Variants in SNX6 observed in about 807,000 individuals in gnomAD.
SNX6 encodes the protein sorting nexin-6.
In SNX6, 34 loss-of-function variants were observed where a neutral mutation model predicts 63.0. The observed-to-expected ratio is 0.54, with a 90% CI of 0.41 to 0.72. SNX6 has a LOEUF of 0.72. Among genes scored for constraint, SNX6 ranks in the 30% least tolerant of loss-of-function variants. The pLI is 0.00. For synonymous variants in SNX6, 170 were observed against 164.2 expected, an observed-to-expected ratio of 1.04 and a Z score of -0.27; for missense variants, 398 against 471.4, an observed-to-expected ratio of 0.84 and a Z score of 1.44.
chr14:34,580,067 C>A (rs1379718374), intron 10 of SNX6, among the ~76,000 whole-genome samples: 3 of 152,104 alleles, frequency 2.0e-5, no homozygotes, highest in African/African-American at 7.2e-5. Context: ...TGCCTGTAAT[C>A]TCAGCTACTC....
At position 34,567,738 on chromosome 14, in the gene SNX6, G is replaced by A; in HGVS notation, c.1115C>T (p.Ala372Val). The change falls in exon 13 of 14, where the codon GCA becomes GTA. Residue 372 changes from alanine (A) to valine (V), a missense_variant. Physicochemically the swap from Ala to Val is moderately conservative, Grantham distance 64. Coordinates refer to ENST00000362031, the MANE Select transcript of SNX6 (RefSeq NM_152233.4). ...LIDFKTRRVA[A>V]FRKNLVELAE... Reference sequence around the variant, plus strand: ...CAGTTCCACTAAATTTTTTCTGAATGCAGCAACTCTTCTTGTCTTAAAATC... The same window carrying A: ...CAGTTCCACTAAATTTTTTCTGAATACAGCAACTCTTCTTGTCTTAAAATC... The A allele has an allele frequency of 1.9e-6, 3 of 1,613,742 alleles. No individual in the cohort carries two copies. The highest frequency in any genetic ancestry group is 1.7e-6 in the Non-Finnish European group (2 of 1,179,772).
At chr14:34,568,224 A>T (rs1217960020) in intron 11 of SNX6, among the ~76,000 whole-genome samples, 3 of 146,626 alleles carry the variant, frequency 2.0e-5, no homozygotes, top group African/African-American at 5.1e-5. Context: ...GGCTCACCGC[A>T]ACCTCTGAAT....
At position 34,603,357 on chromosome 14, in the gene SNX6, A is replaced by G; in HGVS notation, c.507T>C (p.Tyr169=). Residue 169 remains tyrosine, a synonymous_variant, in exon 6 of 14, where the codon TAT becomes TAC. Transcript: ENST00000362031. ...RDLNFHVFLE[Y]NQDLSVRGKN... ...TCAATGTGATACTCACATCTTGATT[A>G]TATTCCAAGAAGACATGGAAATTTA... The G allele has an allele frequency of 6.2e-7, 1 of 1,607,612 alleles. No individual in the cohort carries two copies. Among genetic ancestry groups the G allele is most frequent in the Non-Finnish European group, 8.5e-7 (1 of 1,177,916 alleles).
intron 2 of SNX6, among the ~76,000 whole-genome samples, chr14:34,619,865 T>C (rs1374385834): frequency 6.6e-6 from 1 of 152,084 alleles, no homozygotes; most frequent in East Asian, 1.9e-4. Context: ...ACTCAGGATC[T>C]ACTTATCTTT....
At chr14:34,611,739 AC>A (rs1883236575) in intron 2 of SNX6, among the ~76,000 whole-genome samples, 1 of 127,430 alleles carries the variant, frequency 7.8e-6, no homozygotes, top group Non-Finnish European at 1.6e-5. Context: ...AAACAGTAAG[AC>A]ACTGTCTCAA....
At chr14:34,575,625 T>C (rs375257544) in intron 11 of SNX6, 131 bp downstream of exon 11, 2 of 451,174 alleles carry the variant, frequency 4.4e-6, no homozygotes, top group South Asian at 2.9e-5. Flanking sequence ...AAAGGAGAAA[T>C]AGAATTCATA....
chr14:34,562,967 C>A lies in SNX6; in HGVS notation c.*155G>T, dbSNP rs764297772. ...CACAGACTGGCATCGCCTGGGCGTG[C>A]GCTGCTCCATGTTTCTCAGAAAAAG... On this transcript the variant is annotated 3_prime_UTR_variant, in exon 14 of 14. Transcript: ENST00000362031. The A allele has an allele frequency of 2.8e-6, 2 of 713,488 alleles. No individual in the cohort carries two copies. Among genetic ancestry groups the A allele is most frequent in the Non-Finnish European group, 4.8e-6 (2 of 418,518 alleles). 44.2% of individuals were successfully genotyped at this position (713,488 alleles called of 1,614,324 possible). A position where few individuals can be genotyped will look rare whatever the true frequency, so the allele number is the denominator to read the frequency against.
At chr14:34,616,430 C>T (rs906611566) in intron 2 of SNX6, among the ~76,000 whole-genome samples, 2 of 152,066 alleles carry the variant, frequency 1.3e-5, no homozygotes, top group Non-Finnish European at 2.9e-5. Flanking sequence ...AATGCGGTGG[C>T]ACAATCATAG....
At chr14:34,596,426 C>T (rs948118614) in intron 7 of SNX6, among the ~76,000 whole-genome samples, 3 of 151,382 alleles carry the variant, frequency 2.0e-5, no homozygotes, top group African/African-American at 7.3e-5. Flanking sequence ...CGAGACCAGC[C>T]TGGCCAACAT....
chr14:34,582,599 G>A (rs753883065), intron 9 of SNX6, among the ~76,000 whole-genome samples: 6 of 151,990 alleles, frequency 3.9e-5, no homozygotes, highest in African/African-American at 9.7e-5. Context: ...TGCCCCAGCC[G>A]CAGTGCAGTA....
chr14:34,568,969 A>G, intron 11 of SNX6: 1 of 1,415,814 alleles, frequency 7.1e-7, no homozygotes, highest in Non-Finnish European at 1.0e-6. Flanking sequence ...TCGCGTGTAC[A>G]ACCAGTTCTC....
At chr14:34,568,116 T>G in intron 11 of SNX6, 103 bp from the exon 12 acceptor site, 2 of 929,664 alleles carry the variant, frequency 2.2e-6, no homozygotes, top group Non-Finnish European at 3.2e-6. Context: ...AGCTAACACA[T>G]AGTGAATACT....
chr14:34,575,680 T>C, intron 11 of SNX6, 76 bp downstream of exon 11: 1 of 654,844 alleles, frequency 1.5e-6, no homozygotes, highest in Non-Finnish European at 2.7e-6. Context: ...TAAATCATCA[T>C]TAACAATCTG....
rs553577204 is a variant in SNX6, at chr14:34,613,407, T to C, written c.55-3665A>G. 9.8e-5 allele frequency among the ~76,000 whole-genome samples: 15 copies of C among 152,360 alleles called. No homozygotes were observed. In the South Asian group the frequency reaches 2.5e-3, roughly 25 times the overall value. On this transcript the variant is annotated intron_variant, in intron 2 of 13. Coordinates refer to ENST00000362031, the MANE Select transcript of SNX6 (RefSeq NM_152233.4). ...ATTTATCATACAGGTTTTGGAATAA[T>C]GACTAGCATTTCTCCACTTCTGAGG... is the stretch of plus-strand genomic sequence containing the variant.
chr14:34,610,737 A>G (rs1216409502), intron 2 of SNX6, among the ~76,000 whole-genome samples: 1 of 152,110 alleles, frequency 6.6e-6, no homozygotes, highest in Non-Finnish European at 1.5e-5. Context: ...CTTACTCTTT[A>G]AACAATAAAT....
chr14:34,604,217 A>T, intron 5 of SNX6: 1 of 1,289,036 alleles, frequency 7.8e-7, no homozygotes, highest in Admixed American at 2.3e-5. Context: ...AGAAGGATGC[A>T]GAGGATGGAG....
At chr14:34,573,622 G>C (rs749537248) in intron 11 of SNX6, among the ~76,000 whole-genome samples, 3 of 151,508 alleles carry the variant, frequency 2.0e-5, no homozygotes, top group Non-Finnish European at 4.4e-5. Flanking sequence ...CTTGCACACA[G>C]CTTTTTTTTT....
At position 34,595,941 on chromosome 14, in the gene SNX6, C is replaced by T. The variant is rs530907435; in HGVS notation, c.612+1609G>A. Among the ~76,000 whole-genome samples, 546 of 152,124 alleles carry T rather than the reference C, an allele frequency of 3.6e-3. 1 individual carries two copies. The highest frequency in any genetic ancestry group is 0.012 in the African/African-American group (508 of 41,520). ...TAAGAAAAGTATAGGTGTTTTCGGC[C>T]GGGCGCGGTGGCTCACGCCTGTAAT... is the stretch of plus-strand genomic sequence containing the variant. On this transcript the variant is annotated intron_variant, in intron 7 of 13. Transcript: ENST00000362031.
intron 11 of SNX6, chr14:34,568,970 A>ACCAGTTCT: frequency 7.1e-7 from 1 of 1,416,036 alleles, no homozygotes; most frequent in Middle Eastern, 2.0e-4. Context: ...CGCGTGTACA[A>ACCAGTTCT]CCAGTTCTCA....
Sources: allele counts gnomAD v4.1 joint callset (sites outside exome capture counted in the v4.1 genomes callset), GRCh38; gene constraint gnomAD v4.1.1; transcripts MANE v1.5; gene names NCBI Gene and HGNC (gene_info 2026-07-23, HGNC 2026-07-21).